GRID1: variants seen among roughly 807,000 people sequenced by gnomAD.
GRID1 encodes glutamate receptor ionotropic, delta-1.
In GRID1, 28 loss-of-function variants were observed where a neutral mutation model predicts 98.0. That is an observed-to-expected ratio of 0.29 (90% CI 0.21 to 0.39). The LOEUF (loss-of-function observed/expected upper bound fraction) is 0.39. Ranked by LOEUF, GRID1 falls within the 10% of genes least tolerant of loss-of-function variation. The probability of loss-of-function intolerance (pLI) is 1.00; values close to 1 mark genes in which losing one functional copy is unlikely to be tolerated. For missense variants in GRID1, 1,111 were observed against 1,340.5 expected (o/e 0.83, Z 2.67); for synonymous variants, 553 against 538.5 (o/e 1.03, Z -0.37).
chr10:85,919,513 C>G (rs1189876170), intron 4 of GRID1, among the ~76,000 whole-genome samples: 1 of 152,176 alleles, frequency 6.6e-6, no homozygotes, highest in Non-Finnish European at 1.5e-5. Context: ...CCCCCTGTCC[C>G]CCATCAACCC....
Position 86,139,027 on chromosome 10 carries a change from G to A in GRID1, c.521-3C>T. The A allele has an allele frequency of 3.1e-6, 5 of 1,605,264 alleles. No homozygotes were observed. Among genetic ancestry groups the A allele is most frequent in the Non-Finnish European group, 4.3e-6 (5 of 1,172,028 alleles). ...AAAGCTTTGAAGCCCACGGATATCT[G>A]AGCAGTGAGAGAAGAGGAGGAAAAG... is the stretch of plus-strand genomic sequence containing the variant. On this transcript the variant is annotated splice_region_variant and splice_polypyrimidine_tract_variant and intron_variant, in intron 3 of 15. Transcript: ENST00000327946.
chr10:86,362,678 CTCCT>C (rs896007481), intron 2 of GRID1, among the ~76,000 whole-genome samples: 4 of 152,216 alleles, frequency 2.6e-5, no homozygotes, highest in African/African-American at 9.7e-5. Context: ...CCCAGAATTC[CTCCT>C]TCCAACACAA....
chr10:85,848,825 G>T (rs536839435), intron 8 of GRID1, among the ~76,000 whole-genome samples: 1 of 152,036 alleles, frequency 6.6e-6, no homozygotes, highest in Non-Finnish European at 1.5e-5. Flanking sequence ...TTCAGTTCTC[G>T]GCTCTGTCAA....
intron 2 of GRID1, among the ~76,000 whole-genome samples, chr10:86,316,897 T>G (rs1564737143): frequency 6.6e-6 from 1 of 152,228 alleles, no homozygotes; most frequent in Non-Finnish European, 1.5e-5. Context: ...TCACCCTGAG[T>G]GTGCACAAGA....
intron 2 of GRID1, among the ~76,000 whole-genome samples, chr10:86,270,169 C>G (rs1404948122): frequency 6.6e-6 from 1 of 152,220 alleles, no homozygotes; most frequent in African/African-American, 2.4e-5. Context: ...CAATGATAAA[C>G]TCTTTCCCTC....
chr10:85,965,300 A>T (rs1589316481), intron 4 of GRID1, among the ~76,000 whole-genome samples: 1 of 152,202 alleles, frequency 6.6e-6, no homozygotes, highest in Admixed American at 6.5e-5. Flanking sequence ...ATACCCAAAT[A>T]ATTATAAATC....
intron 3 of GRID1, among the ~76,000 whole-genome samples, chr10:86,158,272 C>T (rs1188947434): frequency 6.6e-6 from 1 of 152,226 alleles, no homozygotes; most frequent in Non-Finnish European, 1.5e-5. Flanking sequence ...GCACCTTAGT[C>T]TCCCTACCAA....
intron 8 of GRID1, among the ~76,000 whole-genome samples, chr10:85,814,849 T>C (rs1424580081): frequency 1.3e-5 from 2 of 151,938 alleles, no homozygotes; most frequent in Non-Finnish European, 2.9e-5. Flanking sequence ...TAATACCAAT[T>C]CTGCACAATT....
intron 13 of GRID1, among the ~76,000 whole-genome samples, chr10:85,629,200 A>G (rs1394719693): frequency 6.6e-6 from 1 of 152,176 alleles, no homozygotes; most frequent in African/African-American, 2.4e-5. Flanking sequence ...AAGGCCACCA[A>G]TCCCTTTTTT....
intron 5 of GRID1, among the ~76,000 whole-genome samples, chr10:85,888,763 T>G (rs1305239711): frequency 2.6e-5 from 4 of 152,200 alleles, no homozygotes; most frequent in African/African-American, 9.6e-5. Flanking sequence ...TACTATTTCC[T>G]TTGTCTCTCA....
At chr10:86,037,344 G>A (rs1028383702) in intron 4 of GRID1, among the ~76,000 whole-genome samples, 1 of 152,194 alleles carries the variant, frequency 6.6e-6, no homozygotes, top group Admixed American at 6.5e-5. Context: ...ATGCAAGCTT[G>A]GAATCCTCAC....
At chr10:85,672,531 C>T (rs1460678259) in intron 12 of GRID1, among the ~76,000 whole-genome samples, 1 of 152,134 alleles carries the variant, frequency 6.6e-6, no homozygotes, top group Admixed American at 6.5e-5. Flanking sequence ...TGGTCTTGAT[C>T]TCTTGACCTC....
intron 4 of GRID1, among the ~76,000 whole-genome samples, chr10:86,004,740 T>TCACACACACACACA (rs201671134): frequency 0.17 from 16,093 of 94,174 alleles, 996 homozygotes; most frequent in South Asian, 0.29. Context: ...ACACACACAC[T>TCACACACACACACA]CACACACACA....
At chr10:85,868,554 G>C (rs936618263) in intron 6 of GRID1, among the ~76,000 whole-genome samples, 1 of 152,110 alleles carries the variant, frequency 6.6e-6, no homozygotes, top group Non-Finnish European at 1.5e-5. Context: ...ACAGTGTCCT[G>C]GGTGACCCAA....
chr10:85,984,594 C>T (rs1320133632), intron 4 of GRID1, among the ~76,000 whole-genome samples: 1 of 152,174 alleles, frequency 6.6e-6, no homozygotes, highest in African/African-American at 2.4e-5. Flanking sequence ...GTGCAAGGAG[C>T]CTTGGTCCTG....
At chr10:85,698,954 CT>C (rs532538810) in intron 12 of GRID1, among the ~76,000 whole-genome samples, 179 of 152,226 alleles carry the variant, frequency 1.2e-3, no homozygotes, top group Non-Finnish European at 1.8e-3. Context: ...GATAAGGTGT[CT>C]GTTCAGAATT....
intron 4 of GRID1, among the ~76,000 whole-genome samples, chr10:85,998,088 A>C (rs759769492): frequency 1.2e-4 from 18 of 152,310 alleles, no homozygotes; most frequent in Non-Finnish European, 2.4e-4. Context: ...AGATAGATTT[A>C]ATAGACAAAA....
chr10:85,722,842 C>G (rs1841718582), intron 12 of GRID1, among the ~76,000 whole-genome samples, 161 bp downstream of exon 12: 1 of 152,128 alleles, frequency 6.6e-6, no homozygotes, highest in Non-Finnish European at 1.5e-5. Context: ...AGATAAAATA[C>G]AACAGGAGTG....
At chr10:85,605,427 G>A (rs1842645969) in intron 15 of GRID1, 1 of 152,164 alleles carries the variant, frequency 6.6e-6, no homozygotes, top group East Asian at 1.9e-4. Context: ...GAACAAGCTG[G>A]TCACCCTCAC....
Sources: gnomAD v4.1 joint callset for allele counts (sites outside exome capture counted in the v4.1 genomes callset) on GRCh38, gnomAD v4.1.1 for gene constraint, MANE v1.5 for transcripts, NCBI Gene and HGNC (gene_info 2026-07-23, HGNC 2026-07-21) for gene names.